Variants in RHOBTB1 observed in about 807,000 individuals in gnomAD.
The protein encoded by RHOBTB1 is Rho related BTB domain containing 1.
A neutral mutation model predicts 71.6 loss-of-function variants in RHOBTB1; 40 were observed. The ratio of observed to expected loss-of-function variants is 0.56; its 90% confidence interval spans 0.43 to 0.73. The LOEUF (loss-of-function observed/expected upper bound fraction) is 0.73. Among genes scored for constraint, RHOBTB1 ranks in the 30% least tolerant of loss-of-function variants. RHOBTB1 has a pLI of 0.00. For missense variants in RHOBTB1, 797 were observed against 894.0 expected, an observed-to-expected ratio of 0.89 and a Z score of 1.38; for synonymous variants, 319 against 334.9, an observed-to-expected ratio of 0.95 and a Z score of 0.52.
intron 2 of RHOBTB1, among the ~76,000 whole-genome samples, chr10:60,963,215 G>A (rs1054336639): frequency 5.3e-5 from 8 of 152,042 alleles, no homozygotes; most frequent in Admixed American, 1.3e-4. Context: ...ATTGCCCTCC[G>A]CTCCATACAG....
intron 9 of RHOBTB1, among the ~76,000 whole-genome samples, chr10:60,874,210 C>T (rs755616830): frequency 7.2e-5 from 11 of 152,258 alleles, no homozygotes; most frequent in Non-Finnish European, 4.4e-5. Flanking sequence ...TTCTTAGTTT[C>T]CTCAGAGTGT....
At chr10:60,898,330 C>G (rs2082258111) in intron 4 of RHOBTB1, among the ~76,000 whole-genome samples, 1 of 152,134 alleles carries the variant, frequency 6.6e-6, no homozygotes, top group African/African-American at 2.4e-5. Flanking sequence ...ATTTTCAAAA[C>G]CATTCATGTC....
chr10:60,937,360 C>G (rs1218310102), intron 2 of RHOBTB1, among the ~76,000 whole-genome samples: 5 of 152,156 alleles, frequency 3.3e-5, no homozygotes, highest in Non-Finnish European at 7.4e-5. Context: ...ACAGGAGCAG[C>G]ATACCTCAAA....
At chr10:60,944,305 T>TG (rs1385165733), upstream of RHOBTB1, 1 of 152,188 alleles carries the variant, frequency 6.6e-6, no homozygotes, top group African/African-American at 2.4e-5. Context: ...TCCGCCGCCG[T>TG]GGCGGCCGCC....
At chr10:60,879,891 AT>A (rs2081236023) in intron 7 of RHOBTB1, among the ~76,000 whole-genome samples, 1 of 152,120 alleles carries the variant, frequency 6.6e-6, no homozygotes, top group African/African-American at 2.4e-5. Context: ...CCAACTGTAG[AT>A]CAAAAATATT....
rs1441089885 is a variant in RHOBTB1 at position 60,903,552 on chromosome 10, A to G, written c.296+7335T>C. Among the ~76,000 whole-genome samples, 3 of 152,294 alleles carry G rather than the reference A, an allele frequency of 2.0e-5. No homozygotes were observed. In the East Asian group the frequency reaches 5.8e-4, roughly 29 times the overall value. On this transcript the variant is annotated intron_variant, in intron 4 of 10. Coordinates refer to ENST00000337910, the MANE Select transcript of RHOBTB1 (RefSeq NM_014836.5). ...AAAATTGTTACTATTTGATGAAGAA[A>G]CGGAAAATTTTCACAGAACGTGGTG...
chr10:60,940,978 A>G (rs951217298), intron 2 of RHOBTB1, among the ~76,000 whole-genome samples: 1 of 152,226 alleles, frequency 6.6e-6, no homozygotes, highest in South Asian at 2.1e-4. Context: ...CCCACAATAA[A>G]AACTTTCTTA....
chr10:60,895,362 C>T (rs779737199), intron 4 of RHOBTB1, among the ~76,000 whole-genome samples: 1 of 152,028 alleles, frequency 6.6e-6, no homozygotes, highest in Non-Finnish European at 1.5e-5. Context: ...AGAATCTGTG[C>T]TCATTATTTT....
intron 2 of RHOBTB1, among the ~76,000 whole-genome samples, chr10:60,931,272 G>T (rs943917711): frequency 6.6e-6 from 1 of 152,062 alleles, no homozygotes; most frequent in Non-Finnish European, 1.5e-5. Context: ...CCATTCCTGC[G>T]ATCTAATTCC....
intron 2 of RHOBTB1, among the ~76,000 whole-genome samples, chr10:60,933,126 G>T (rs1589353402): frequency 6.6e-6 from 1 of 152,298 alleles, no homozygotes; most frequent in South Asian, 2.1e-4. Flanking sequence ...AAATTAACCA[G>T]ACTTCTTAAG....
intron 1 of RHOBTB1, among the ~76,000 whole-genome samples, chr10:60,996,514 T>A (rs941649460): frequency 2.6e-5 from 4 of 152,162 alleles, no homozygotes; most frequent in African/African-American, 9.7e-5. Flanking sequence ...CCATTGTAGA[T>A]GACCTGATGT....
intron 2 of RHOBTB1, among the ~76,000 whole-genome samples, chr10:60,965,360 T>C (rs1034163921): frequency 6.6e-6 from 1 of 152,048 alleles, no homozygotes; most frequent in Admixed American, 6.6e-5. Context: ...ATAATAGTCC[T>C]TTAAGTGGAC....
upstream of RHOBTB1, among the ~76,000 whole-genome samples, chr10:60,946,118 CA>C (rs2085222627): frequency 6.6e-6 from 1 of 151,790 alleles, no homozygotes; most frequent in African/African-American, 2.4e-5. Context: ...GCGGAGGTTG[CA>C]GTGAGCCGAG....
chr10:60,965,462 T>A (rs574171444), intron 2 of RHOBTB1, among the ~76,000 whole-genome samples: 3 of 152,068 alleles, frequency 2.0e-5, no homozygotes, highest in Non-Finnish European at 4.4e-5. Flanking sequence ...GTGTTTGTAT[T>A]GTTGGTATCA....
intron 2 of RHOBTB1, among the ~76,000 whole-genome samples, chr10:60,982,355 A>T (rs553131850): frequency 6.6e-6 from 1 of 152,306 alleles, no homozygotes; most frequent in Admixed American, 6.5e-5. Context: ...GGTGATGTGG[A>T]GTTCCTTCTC....
At chr10:60,865,991 C>G (rs926973676), downstream of RHOBTB1, among the ~76,000 whole-genome samples, 1 of 152,002 alleles carries the variant, frequency 6.6e-6, no homozygotes, top group African/African-American at 2.4e-5. Flanking sequence ...ATCACCACAC[C>G]CGGCTAATTT....
chr10:60,943,381 T>A (rs1170902911), intron 1 of RHOBTB1, among the ~76,000 whole-genome samples: 1 of 152,154 alleles, frequency 6.6e-6, no homozygotes, highest in Non-Finnish European at 1.5e-5. Flanking sequence ...CCTTGGTTGT[T>A]TTCCCCAAAG....
At chr10:60,879,283 A>T (rs1485472472) in intron 7 of RHOBTB1, among the ~76,000 whole-genome samples, 1 of 152,192 alleles carries the variant, frequency 6.6e-6, no homozygotes, top group African/African-American at 2.4e-5. Context: ...ATCATATTTT[A>T]TTAATGGTTT....
intron 7 of RHOBTB1, among the ~76,000 whole-genome samples, chr10:60,885,053 G>A (rs2081504665): frequency 6.6e-6 from 1 of 152,076 alleles, no homozygotes; most frequent in South Asian, 2.1e-4. Flanking sequence ...CAAGTACCTA[G>A]GACCACAGTT....
Sources: gnomAD v4.1 joint callset for allele counts (sites outside exome capture counted in the v4.1 genomes callset) on GRCh38, gnomAD v4.1.1 for gene constraint, MANE v1.5 for transcripts, NCBI Gene and HGNC (gene_info 2026-07-23, HGNC 2026-07-21) for gene names.